Variants in SCHIP1 observed in about 807,000 individuals in gnomAD.
SCHIP1 encodes schwannomin-interacting protein 1.
In SCHIP1, 8 loss-of-function variants were observed where a neutral mutation model predicts 29.7. The ratio of observed to expected loss-of-function variants is 0.27; its 90% CI spans 0.16 to 0.49. The LOEUF is 0.49. SCHIP1 is among the 20% of genes least tolerant of loss of function. The probability of loss-of-function intolerance (pLI) is 0.99; values close to 1 mark genes in which losing one functional copy is unlikely to be tolerated. For synonymous variants in SCHIP1, 76 were observed against 94.9 expected, an observed-to-expected ratio of 0.80 and a Z score of 1.16; for missense variants, 193 against 294.6, an observed-to-expected ratio of 0.66 and a Z score of 2.52.
At chr3:159,763,185 G>T in the SCHIP1 span, among the ~76,000 whole-genome samples, 1 of 152,180 alleles carries the variant, frequency 6.6e-6, no homozygotes, top group African/African-American at 2.4e-5. Context: ...CTGGAGCTGC[G>T]CGGTGGAGGG....
At chr3:159,367,992 T>C in the SCHIP1 span, among the ~76,000 whole-genome samples, 1 of 152,164 alleles carries the variant, frequency 6.6e-6, no homozygotes, top group Non-Finnish European at 1.5e-5. Context: ...CCCCTATCTC[T>C]ATTTCTATAT....
the SCHIP1 span, among the ~76,000 whole-genome samples, chr3:159,495,431 G>A: frequency 2.0e-5 from 3 of 152,128 alleles, no homozygotes; most frequent in Admixed American, 6.6e-5. Flanking sequence ...AAATCAATGT[G>A]CAAAAATCAC....
At chr3:159,295,852 A>G in the SCHIP1 span, among the ~76,000 whole-genome samples, 1 of 152,192 alleles carries the variant, frequency 6.6e-6, no homozygotes, top group Admixed American at 6.5e-5. Flanking sequence ...TATTCCATAA[A>G]TTTTTTGAAT....
the SCHIP1 span, among the ~76,000 whole-genome samples, chr3:159,559,351 CATTTT>C: frequency 3.3e-5 from 5 of 152,270 alleles, no homozygotes; most frequent in African/African-American, 7.2e-5. Context: ...TTTATCCCAA[CATTTT>C]ATTATGAAAA....
the SCHIP1 span, among the ~76,000 whole-genome samples, chr3:159,597,144 A>G: frequency 6.6e-6 from 1 of 152,156 alleles, no homozygotes; most frequent in Admixed American, 6.6e-5. Context: ...TGCATACCAT[A>G]TAAATTGATT....
the SCHIP1 span, among the ~76,000 whole-genome samples, chr3:159,790,443 C>T: frequency 2.0e-5 from 3 of 152,176 alleles, no homozygotes; most frequent in Non-Finnish European, 4.4e-5. Flanking sequence ...GTAATCCCAG[C>T]GCTTTGAAAG....
chr3:159,608,333 A>C, the SCHIP1 span, among the ~76,000 whole-genome samples: 1 of 152,190 alleles, frequency 6.6e-6, no homozygotes, highest in Non-Finnish European at 1.5e-5. Context: ...ATATTCTCAG[A>C]AATTAGTCTC....
the SCHIP1 span, among the ~76,000 whole-genome samples, chr3:159,372,259 C>CA: frequency 6.6e-6 from 1 of 151,866 alleles, no homozygotes; most frequent in African/African-American, 2.4e-5. Flanking sequence ...CTCAAGTGTA[C>CA]AAATTGTTAA....
chr3:159,553,849 G>A, the SCHIP1 span, among the ~76,000 whole-genome samples: 4 of 152,140 alleles, frequency 2.6e-5, no homozygotes, highest in African/African-American at 9.7e-5. Flanking sequence ...CGCCCAGGCT[G>A]GAGTGCAGTG....
chr3:159,662,263 A>G, the SCHIP1 span, among the ~76,000 whole-genome samples: 1 of 152,230 alleles, frequency 6.6e-6, no homozygotes, highest in Non-Finnish European at 1.5e-5. Flanking sequence ...TGTTTCTGCA[A>G]TAAGAACCCC....
chr3:159,394,943 C>T, the SCHIP1 span, among the ~76,000 whole-genome samples: 32 of 152,220 alleles, frequency 2.1e-4, no homozygotes, highest in East Asian at 3.5e-3. Flanking sequence ...TCCGTCTGGG[C>T]CTGGACTCTT....
the SCHIP1 span, among the ~76,000 whole-genome samples, chr3:159,531,469 T>A: frequency 3.9e-5 from 6 of 152,228 alleles, no homozygotes; most frequent in Admixed American, 3.3e-4. Context: ...TAACGCTATC[T>A]CTTTTCTCCT....
At chr3:159,479,660 A>C in the SCHIP1 span, among the ~76,000 whole-genome samples, 4 of 152,200 alleles carry the variant, frequency 2.6e-5, no homozygotes, top group Non-Finnish European at 5.9e-5. Context: ...GTACCTTAAA[A>C]AAAGGATTTC....
the SCHIP1 span, among the ~76,000 whole-genome samples, chr3:159,796,661 TA>T: frequency 1.3e-5 from 2 of 152,190 alleles, no homozygotes; most frequent in African/African-American, 2.4e-5. Flanking sequence ...ATTTGGGGCA[TA>T]AGATGCAATG....
At chr3:159,596,378 G>A in the SCHIP1 span, among the ~76,000 whole-genome samples, 20 of 152,334 alleles carry the variant, frequency 1.3e-4, no homozygotes, top group Middle Eastern at 3.4e-3. Flanking sequence ...AACCATTGTA[G>A]AAGAGAGTGT....
At chr3:159,725,415 C>T in the SCHIP1 span, among the ~76,000 whole-genome samples, 1 of 151,978 alleles carries the variant, frequency 6.6e-6, no homozygotes, top group African/African-American at 2.4e-5. Context: ...ACTACAGGCA[C>T]ATGCCACTGC....
At chr3:159,343,986 T>G in the SCHIP1 span, among the ~76,000 whole-genome samples, 2 of 152,176 alleles carry the variant, frequency 1.3e-5, no homozygotes, top group African/African-American at 4.8e-5. Flanking sequence ...AGGCTTAAAA[T>G]TATTTTAAAA....
chr3:159,500,871 A>G, the SCHIP1 span, among the ~76,000 whole-genome samples: 3 of 152,140 alleles, frequency 2.0e-5, no homozygotes, highest in African/African-American at 7.2e-5. Flanking sequence ...ATTCTATGTT[A>G]TACTTATATA....
the SCHIP1 span, among the ~76,000 whole-genome samples, chr3:159,713,236 GAAA>G: frequency 5.2e-5 from 2 of 38,134 alleles, no homozygotes; most frequent in African/African-American, 1.1e-4. Context: ...AAGAAAGGAA[GAAA>G]GAAAGAAAGA....
Sources: allele counts gnomAD v4.1 joint callset (sites outside exome capture counted in the v4.1 genomes callset), GRCh38; gene constraint gnomAD v4.1.1; transcripts MANE v1.5; gene names NCBI Gene and HGNC (gene_info 2026-07-23, HGNC 2026-07-21).